MARCHF1: variants seen among roughly 807,000 people sequenced by gnomAD.
MARCHF1 encodes the protein membrane associated ring-CH-type finger 1.
Under a neutral mutation model 54.2 loss-of-function variants are expected in MARCHF1, and 40 were observed. The observed-to-expected ratio is 0.74, with a 90% confidence interval of 0.57 to 0.96. The LOEUF is 0.96. Among genes scored for constraint, MARCHF1 ranks in the 40% least tolerant of loss-of-function variants. MARCHF1 has a pLI of 0.00. For synonymous variants in MARCHF1, 236 were observed against 236.3 expected (o/e 1.00, Z 0.01); for missense variants, 586 against 656.5 (o/e 0.89, Z 1.17).
intron 4 of MARCHF1, among the ~76,000 whole-genome samples, chr4:163,824,701 G>A (rs1216017982): frequency 1.2e-5 from 1 of 84,216 alleles, no homozygotes; most frequent in African/African-American, 3.7e-5. Context: ...GAGTGAACAG[G>A]CAACCTACAA....
At chr4:164,101,120 G>C (rs553561839) in intron 2 of MARCHF1, among the ~76,000 whole-genome samples, 1 of 152,176 alleles carries the variant, frequency 6.6e-6, no homozygotes, top group African/African-American at 2.4e-5. Flanking sequence ...CTACGCCCAC[G>C]GAGTCTTGCT....
chr4:163,879,030 T>G (rs1750356281), intron 3 of MARCHF1, among the ~76,000 whole-genome samples: 3 of 152,188 alleles, frequency 2.0e-5, no homozygotes, highest in Non-Finnish European at 4.4e-5. Flanking sequence ...CAAAACAATA[T>G]TAAGTATTGA....
chr4:164,248,509 GT>G (rs1427646148), intron 1 of MARCHF1, among the ~76,000 whole-genome samples: 12 of 152,098 alleles, frequency 7.9e-5, no homozygotes, highest in African/African-American at 2.9e-4. Flanking sequence ...AAAACATGGA[GT>G]TTTCCTCCAT....
chr4:163,815,397 GTGCATCTATTATGAGTAA>G (rs1560768363), intron 4 of MARCHF1, among the ~76,000 whole-genome samples: 1 of 152,228 alleles, frequency 6.6e-6, no homozygotes, highest in Admixed American at 6.5e-5. Flanking sequence ...AATGTTGGCT[GTGCATCTATTATGAGTAA>G]TGCACTGTAC....
intron 4 of MARCHF1, among the ~76,000 whole-genome samples, chr4:163,772,996 T>C (rs965254554): frequency 6.6e-6 from 1 of 152,206 alleles, no homozygotes; most frequent in Middle Eastern, 3.2e-3. Flanking sequence ...GTCAAGTGTT[T>C]AGTTTGCTGA....
At chr4:163,672,474 A>T (rs1437701885) in intron 5 of MARCHF1, among the ~76,000 whole-genome samples, 2 of 152,120 alleles carry the variant, frequency 1.3e-5, no homozygotes, top group Non-Finnish European at 2.9e-5. Flanking sequence ...AAAATAAGTT[A>T]TTTAACATTT....
chr4:163,900,219 G>A (rs1303221679), intron 3 of MARCHF1, among the ~76,000 whole-genome samples: 2 of 151,996 alleles, frequency 1.3e-5, no homozygotes, highest in Non-Finnish European at 2.9e-5. Context: ...GATAACAGCA[G>A]TCTCTCAATA....
At chr4:164,091,622 C>G (rs984840327) in intron 2 of MARCHF1, among the ~76,000 whole-genome samples, 2 of 151,618 alleles carry the variant, frequency 1.3e-5, no homozygotes, top group East Asian at 3.9e-4. Flanking sequence ...AGGCTACAAA[C>G]TGGAGATTCA....
At chr4:164,270,732 C>T (rs1733725298) in intron 1 of MARCHF1, among the ~76,000 whole-genome samples, 1 of 152,272 alleles carries the variant, frequency 6.6e-6, no homozygotes, top group African/African-American at 2.4e-5. Flanking sequence ...ACAAACATCT[C>T]ATGATACTAG....
In MARCHF1 at chr4:163,642,475, G is replaced by A. The variant is rs140059509; in HGVS notation, c.163-29082C>T. ...AAAATATGTGTTTAAAAGTCACTTC[G>A]GTTCTGGGTGAATCTCATTGAATTT... On this transcript the variant is annotated intron_variant, in intron 5 of 9. Coordinates refer to ENST00000514618, the MANE Select transcript of MARCHF1 (RefSeq NM_001394959.1). Among the ~76,000 whole-genome samples, 57 of 152,148 alleles carry A rather than the reference G, an allele frequency of 3.7e-4. No individual in the cohort carries two copies. The East Asian group carries it at 0.01, about 27-fold the overall frequency.
chr4:164,332,264 C>T (rs892243864), intron 1 of MARCHF1, among the ~76,000 whole-genome samples: 12 of 152,266 alleles, frequency 7.9e-5, no homozygotes, highest in African/African-American at 2.9e-4. Flanking sequence ...CTTTCTTCTC[C>T]TCTGACATTC....
intron 3 of MARCHF1, among the ~76,000 whole-genome samples, chr4:163,937,709 T>C (rs903539595): frequency 5.3e-5 from 8 of 152,120 alleles, no homozygotes; most frequent in African/African-American, 1.9e-4. Flanking sequence ...AACTTGCCCG[T>C]TGGTTCAATG....
chr4:163,803,711 A>G (rs1228354849), intron 4 of MARCHF1, among the ~76,000 whole-genome samples: 1 of 152,162 alleles, frequency 6.6e-6, no homozygotes, highest in Non-Finnish European at 1.5e-5. Flanking sequence ...GATCTTTTGC[A>G]TCTTTTGATT....
At chr4:163,993,487 T>G (rs1407147750) in intron 2 of MARCHF1, among the ~76,000 whole-genome samples, 2 of 152,150 alleles carry the variant, frequency 1.3e-5, no homozygotes, top group African/African-American at 4.8e-5. Flanking sequence ...TCTATTGTCT[T>G]GAAATTATTT....
At chr4:164,377,414 T>A (rs1172413486) in intron 1 of MARCHF1, among the ~76,000 whole-genome samples, 1 of 152,218 alleles carries the variant, frequency 6.6e-6, no homozygotes, top group Non-Finnish European at 1.5e-5. Context: ...AAGAAATCAG[T>A]CTGTATCAGT....
chr4:163,776,140 C>T (rs1302825607), intron 4 of MARCHF1, among the ~76,000 whole-genome samples: 1 of 152,054 alleles, frequency 6.6e-6, no homozygotes, highest in Non-Finnish European at 1.5e-5. Flanking sequence ...CATACACTGT[C>T]TTTAAATCAC....
chr4:163,756,352 G>A (rs1746666384), intron 4 of MARCHF1, among the ~76,000 whole-genome samples: 1 of 152,032 alleles, frequency 6.6e-6, no homozygotes, highest in African/African-American at 2.4e-5. Context: ...CAGAAGGCCA[G>A]GCATGGTGGC....
chr4:164,351,597 C>T (rs1305792366), intron 1 of MARCHF1, among the ~76,000 whole-genome samples: 1 of 152,104 alleles, frequency 6.6e-6, no homozygotes, highest in South Asian at 2.1e-4. Context: ...ACATCCACAC[C>T]AAAAACCCAT....
chr4:163,948,074 C>G (rs575933291), intron 3 of MARCHF1, among the ~76,000 whole-genome samples: 159 of 152,304 alleles, frequency 1.0e-3, no homozygotes, highest in Non-Finnish European at 1.9e-3. Flanking sequence ...TATCTTGTTT[C>G]TTTGCCACAT....
Sources: gnomAD v4.1 joint callset for allele counts (sites outside exome capture counted in the v4.1 genomes callset) on GRCh38, gnomAD v4.1.1 for gene constraint, MANE v1.5 for transcripts, NCBI Gene and HGNC (gene_info 2026-07-23, HGNC 2026-07-21) for gene names.